CDH23: variants seen among roughly 807,000 people sequenced by gnomAD.
The protein encoded by CDH23 is cadherin related 23, also known as cadherin-23.
In CDH23, 189 loss-of-function variants were observed where a neutral mutation model predicts 317.1. The ratio of observed to expected loss-of-function variants is 0.60; its 90% confidence interval spans 0.53 to 0.67. The LOEUF (loss-of-function observed/expected upper bound fraction) is 0.67, where lower values mean the gene tolerates loss of function less well. CDH23 is among the 30% of genes least tolerant of loss of function. The pLI is 0.00. For synonymous variants in CDH23, 1,839 were observed against 1,876.8 expected (o/e 0.98, Z 0.52); for missense variants, 4,401 against 4,592.4 (o/e 0.96, Z 1.20).
At chr10:71,420,562 A>ATGGTGATGATGGTGAAGG (rs1848761541) in intron 1 of CDH23, among the ~76,000 whole-genome samples, 9 of 132,066 alleles carry the variant, frequency 6.8e-5, no homozygotes, top group African/African-American at 2.8e-4. Flanking sequence ...GATGATGGTG[A>ATGGTGATGATGGTGAAGG]TGATGATGAT....
At chr10:71,786,341 T>A (rs1841104163) in intron 44 of CDH23, among the ~76,000 whole-genome samples, 1 of 152,152 alleles carries the variant, frequency 6.6e-6, no homozygotes, top group Non-Finnish European at 1.5e-5. Flanking sequence ...TCATCTCAGC[T>A]CTGCCCCTGA....
chr10:71,451,693 C>A (rs1300890776), intron 3 of CDH23, among the ~76,000 whole-genome samples: 4 of 152,220 alleles, frequency 2.6e-5, no homozygotes, highest in African/African-American at 9.6e-5. Flanking sequence ...TCTCTGTTAG[C>A]CCCATGGAGA....
chr10:71,713,557 G>A, intron 28 of CDH23: 1 of 476,484 alleles, frequency 2.1e-6, no homozygotes, highest in East Asian at 3.9e-5. Flanking sequence ...GGCAGGAAAG[G>A]GCTGGGGAGC....
intron 28 of CDH23, chr10:71,716,249 G>T: frequency 6.5e-7 from 1 of 1,549,404 alleles, no homozygotes. Context: ...AGTTGCCTCT[G>T]CAAGGGTCCC....
chr10:71,761,998 C>T (rs370155250), intron 38 of CDH23: 9 of 1,609,258 alleles, frequency 5.6e-6, no homozygotes, highest in East Asian at 4.5e-5. Flanking sequence ...GGGAATACGG[C>T]GTGGCGACCT....
At chr10:71,418,863 C>T (rs1422355283) in intron 1 of CDH23, among the ~76,000 whole-genome samples, 1 of 152,214 alleles carries the variant, frequency 6.6e-6, no homozygotes, top group African/African-American at 2.4e-5. Flanking sequence ...CCTCTTCTCT[C>T]TTAGTCTCAA....
intron 1 of CDH23, among the ~76,000 whole-genome samples, chr10:71,439,570 G>A (rs1849775083): frequency 6.6e-6 from 1 of 152,210 alleles, no homozygotes; most frequent in South Asian, 2.1e-4. Context: ...AGGGCAAAGA[G>A]GACCCAATAG....
intron 1 of CDH23, among the ~76,000 whole-genome samples, chr10:71,427,190 G>GGACAGA (rs1849118141): frequency 2.2e-4 from 1 of 4,532 alleles, no homozygotes; most frequent in Non-Finnish European, 5.0e-4. Flanking sequence ...AAGGAAGGAA[G>GGACAGA]GAAAGAGAAA....
intron 3 of CDH23, among the ~76,000 whole-genome samples, chr10:71,452,389 C>T (rs1234608171): frequency 2.0e-5 from 3 of 152,206 alleles, no homozygotes; most frequent in Non-Finnish European, 4.4e-5. Context: ...AAGTAGAGCT[C>T]TGTATCTCAG....
At chr10:71,497,920 A>C (rs1853065176) in intron 3 of CDH23, among the ~76,000 whole-genome samples, 1 of 152,200 alleles carries the variant, frequency 6.6e-6, no homozygotes. Flanking sequence ...CCCTGTGTGC[A>C]TCGTGTGTCA....
chr10:71,792,836 AAAAAAAAAAAAAAAAAAT>A (rs1448794127), intron 47 of CDH23, among the ~76,000 whole-genome samples: 1 of 93,162 alleles, frequency 1.1e-5, no homozygotes, highest in African/African-American at 4.9e-5. Flanking sequence ...AAAAAAAAAA[AAAAAAAAAAAAAAAAAAT>A]ATATATATAT....
At position 71,812,759 on chromosome 10, in the gene CDH23, T is replaced by C. The variant is rs1352162493; in HGVS notation, c.9511-9T>C. The C allele has an allele frequency of 1.2e-6, 2 of 1,612,878 alleles. No individual in the cohort carries two copies. Among genetic ancestry groups the C allele is most frequent in the Admixed American group, 1.7e-5 (1 of 59,798 alleles). ...TGCCTCTGCTCCAGCTAACATCCCCTCTCCCCAGGGAACTTTTGGGCGTGA... is the reference window on the plus strand; with the variant it reads ...TGCCTCTGCTCCAGCTAACATCCCCCCTCCCCAGGGAACTTTTGGGCGTGA... On this transcript the variant is annotated splice_polypyrimidine_tract_variant and intron_variant, in intron 67 of 69. Transcript: ENST00000224721.
chr10:71,597,749 G>A (rs549831457), intron 9 of CDH23, among the ~76,000 whole-genome samples: 1 of 152,316 alleles, frequency 6.6e-6, no homozygotes, highest in South Asian at 2.1e-4. Flanking sequence ...TGCAATACAG[G>A]ACTTTGGACT....
chr10:71,603,676 G>A (rs1382974742), intron 9 of CDH23, among the ~76,000 whole-genome samples: 4 of 152,178 alleles, frequency 2.6e-5, no homozygotes, highest in African/African-American at 7.2e-5. Context: ...CCAGACTCCG[G>A]GCCCCAGGGC....
intron 14 of CDH23, among the ~76,000 whole-genome samples, chr10:71,652,600 T>C (rs1863229842): frequency 6.6e-6 from 1 of 152,222 alleles, no homozygotes; most frequent in Non-Finnish European, 1.5e-5. Context: ...TTTCCTCTTC[T>C]GTGAGCTGGG....
chr10:71,639,226 A>G (rs747376267), intron 11 of CDH23, among the ~76,000 whole-genome samples: 1 of 152,040 alleles, frequency 6.6e-6, no homozygotes, highest in Non-Finnish European at 1.5e-5. Flanking sequence ...CTCTCCACAC[A>G]CACTAGGGCT....
chr10:71,452,632 A>C (rs1850504372), intron 3 of CDH23, among the ~76,000 whole-genome samples: 1 of 152,068 alleles, frequency 6.6e-6, no homozygotes, highest in Non-Finnish European at 1.5e-5. Flanking sequence ...GCATCTGTGA[A>C]AGCCCTCAGC....
chr10:71,398,316 G>A (rs1397511553), intron 1 of CDH23, among the ~76,000 whole-genome samples: 1 of 152,094 alleles, frequency 6.6e-6, no homozygotes, highest in Non-Finnish European at 1.5e-5. Context: ...CTTTTTCTAC[G>A]TCCTTTGCCC....
At chr10:71,519,796 T>C (rs1450526661) in intron 6 of CDH23, among the ~76,000 whole-genome samples, 1 of 151,904 alleles carries the variant, frequency 6.6e-6, no homozygotes, top group Non-Finnish European at 1.5e-5. Context: ...TTCTTTTTTT[T>C]TTTTTGAGAC....
Sources: allele counts gnomAD v4.1 joint callset (sites outside exome capture counted in the v4.1 genomes callset), GRCh38; gene constraint gnomAD v4.1.1; transcripts MANE v1.5; gene names NCBI Gene and HGNC (gene_info 2026-07-23, HGNC 2026-07-21).